The following DAB1 variants were observed in gnomAD, a reference collection of about 807,000 sequenced individuals.
DAB1 encodes the protein DAB adaptor protein 1.
Under a neutral mutation model 64.6 loss-of-function variants are expected in DAB1, and 15 were observed. The observed-to-expected ratio is 0.23, with a 90% CI of 0.16 to 0.36. DAB1 has a LOEUF of 0.36. DAB1 is among the 10% of genes least tolerant of loss of function. The pLI, the probability that DAB1 is intolerant of heterozygous loss-of-function variation, is 1.00. For synonymous variants in DAB1, 235 were observed against 251.9 expected (o/e 0.93, Z 0.64); for missense variants, 596 against 706.7 (o/e 0.84, Z 1.78).
At chr1:57,087,960 A>C (rs541092313) in intron 4 of DAB1, among the ~76,000 whole-genome samples, 1 of 152,316 alleles carries the variant, frequency 6.6e-6, no homozygotes, top group South Asian at 2.1e-4. Context: ...CTGTTGACAA[A>C]GATTCTGTCC....
chr1:58,404,138 G>T (rs1644595582), intron 3 of DAB1, among the ~76,000 whole-genome samples: 1 of 152,140 alleles, frequency 6.6e-6, no homozygotes, highest in Non-Finnish European at 1.5e-5. Context: ...GCCATCCAGG[G>T]GAGTGGTGAG....
At chr1:58,340,702 T>C (rs962397007) in intron 4 of DAB1, among the ~76,000 whole-genome samples, 1 of 152,234 alleles carries the variant, frequency 6.6e-6, no homozygotes, top group Non-Finnish European at 1.5e-5. Flanking sequence ...GACATCAGGC[T>C]GTAGGACAGG....
At chr1:57,595,113 A>G (rs546912353) in intron 7 of DAB1, among the ~76,000 whole-genome samples, 210 of 152,260 alleles carry the variant, frequency 1.4e-3, no homozygotes, top group Middle Eastern at 3.4e-3. Context: ...TTAAGTAAAT[A>G]CTGAAAAACT....
chr1:57,431,171 A>G (rs1312905511), intron 7 of DAB1, among the ~76,000 whole-genome samples: 8 of 151,316 alleles, frequency 5.3e-5, no homozygotes, highest in African/African-American at 2.0e-4. Context: ...AAACAAAAAA[A>G]AAGAAGACAG....
intron 6 of DAB1, among the ~76,000 whole-genome samples, chr1:57,718,197 T>C (rs1037231683): frequency 1.3e-5 from 2 of 152,204 alleles, no homozygotes; most frequent in Admixed American, 6.5e-5. Context: ...TTTAAGGTGA[T>C]TGATACAGTA....
chr1:57,147,474 A>G (rs1436986936), intron 2 of DAB1, among the ~76,000 whole-genome samples: 1 of 152,058 alleles, frequency 6.6e-6, no homozygotes, highest in Non-Finnish European at 1.5e-5. Flanking sequence ...GACTCCTCAT[A>G]TATTAAAGCC....
intron 7 of DAB1, among the ~76,000 whole-genome samples, chr1:57,498,442 C>G (rs1487921229): frequency 6.6e-6 from 1 of 152,134 alleles, no homozygotes; most frequent in Non-Finnish European, 1.5e-5. Context: ...CCAGAGATAA[C>G]TGAGAAAACC....
chr1:57,369,546 T>A (rs1432610592), intron 1 of DAB1, among the ~76,000 whole-genome samples: 1 of 152,206 alleles, frequency 6.6e-6, no homozygotes, highest in Non-Finnish European at 1.5e-5. Flanking sequence ...AAAGTGGTTA[T>A]AGAGGACGTT....
intron 7 of DAB1, among the ~76,000 whole-genome samples, chr1:57,616,588 ATGGC>A (rs1645792666): frequency 6.6e-6 from 1 of 152,158 alleles, no homozygotes; most frequent in South Asian, 2.1e-4. Flanking sequence ...GAGATCTATA[ATGGC>A]AGCGCAGGCA....
intron 4 of DAB1, among the ~76,000 whole-genome samples, chr1:58,260,813 C>G (rs978750904): frequency 6.6e-6 from 1 of 152,134 alleles, no homozygotes; most frequent in Non-Finnish European, 1.5e-5. Context: ...GGGACTCAAC[C>G]TCTGCCATGC....
chr1:58,248,473 T>C (rs758666947), intron 4 of DAB1, among the ~76,000 whole-genome samples: 8 of 152,150 alleles, frequency 5.3e-5, no homozygotes, highest in Admixed American at 2.0e-4. Context: ...GATCTATTAT[T>C]AGAAAACCTA....
chr1:58,412,359 T>TTC (rs10632545), intron 3 of DAB1, among the ~76,000 whole-genome samples: 22,721 of 152,130 alleles, frequency 0.15, 2,205 homozygotes, highest in Non-Finnish European at 0.22. Flanking sequence ...ACCCAGTAAG[T>TTC]TCTCTCTCTT....
chr1:58,492,856 A>G (rs938605810), intron 3 of DAB1, among the ~76,000 whole-genome samples: 4 of 152,216 alleles, frequency 2.6e-5, no homozygotes, highest in African/African-American at 9.6e-5. Flanking sequence ...AGCTGGTACC[A>G]TTCCTTCTGA....
chr1:58,248,174 G>T (rs1454100486), intron 4 of DAB1, among the ~76,000 whole-genome samples: 2 of 152,070 alleles, frequency 1.3e-5, no homozygotes, highest in East Asian at 3.9e-4. Context: ...GCTCCCAGTT[G>T]TCCCTGCACA....
At chr1:58,246,348 A>G (rs1660527086) in intron 4 of DAB1, among the ~76,000 whole-genome samples, 1 of 152,200 alleles carries the variant, frequency 6.6e-6, no homozygotes, top group African/African-American at 2.4e-5. Context: ...GATTTGTAAC[A>G]CAGCACTTCA....
upstream of DAB1, among the ~76,000 whole-genome samples, chr1:57,888,255 A>T (rs1644255647): frequency 6.6e-6 from 1 of 152,200 alleles, no homozygotes; most frequent in Non-Finnish European, 1.5e-5. Context: ...TCAGATAAAA[A>T]TGCACATTCA....
chr1:57,649,463 T>C (rs1387541597), intron 7 of DAB1: 1 of 152,122 alleles, frequency 6.6e-6, no homozygotes, highest in African/African-American at 2.4e-5. Context: ...CCCTCTGATA[T>C]GTTTTAAGAA....
intron 7 of DAB1, among the ~76,000 whole-genome samples, chr1:57,532,320 CTTCA>C (rs139947442): frequency 0.71 from 107,114 of 151,128 alleles, 38,241 homozygotes; most frequent in South Asian, 0.8. Context: ...CCTGTAGGCT[CTTCA>C]TTCATTCATT....
chr1:58,372,353 A>C (rs1293703741), intron 3 of DAB1, among the ~76,000 whole-genome samples: 1 of 152,110 alleles, frequency 6.6e-6, no homozygotes, highest in Non-Finnish European at 1.5e-5. Flanking sequence ...GTTTTGGCCA[A>C]TTTCTCCCAT....
Sources: allele counts gnomAD v4.1 joint callset (sites outside exome capture counted in the v4.1 genomes callset), GRCh38; gene constraint gnomAD v4.1.1; transcripts MANE v1.5; gene names NCBI Gene and HGNC (gene_info 2026-07-23, HGNC 2026-07-21).